MED12L: variants seen among roughly 807,000 people sequenced by gnomAD.
The protein encoded by MED12L is mediator of RNA polymerase II transcription subunit 12-like protein.
MED12L carries 60 observed loss-of-function variants against 281.3 expected under a neutral mutation model. The observed-to-expected ratio is 0.21, with a 90% CI of 0.17 to 0.26. The LOEUF is 0.26. Ranked by LOEUF, MED12L falls within the 10% of genes least tolerant of loss-of-function variation. The pLI, the probability that MED12L is intolerant of heterozygous loss-of-function variation, is 1.00. For synonymous variants in MED12L, 974 were observed against 987.2 expected (o/e 0.99, Z 0.25); for missense variants, 2,146 against 2,680.9 (o/e 0.80, Z 4.41).
chr3:151,355,487 G>A (rs982280657), intron 18 of MED12L, among the ~76,000 whole-genome samples: 6 of 152,110 alleles, frequency 3.9e-5, no homozygotes, highest in African/African-American at 1.4e-4. Flanking sequence ...AATAGCTAAT[G>A]AAATAGTTAG....
chr3:151,134,067 A>G (rs1350311562), intron 5 of MED12L, among the ~76,000 whole-genome samples: 1 of 152,136 alleles, frequency 6.6e-6, no homozygotes, highest in Admixed American at 6.5e-5. Context: ...ATAAGCAGGG[A>G]TACGGTGCTA....
Position 151,328,928 on chromosome 3 carries a change from A to G in MED12L, c.2251-21131A>G, listed in dbSNP as rs746804027. The stretch of plus-strand genomic sequence containing the variant: ...GTAGAGGGCTGGGAATACCAGCTGT[A>G]CTATCCGAGTGTCTCTGGGGCACCG... On this transcript the variant is annotated intron_variant, in intron 16 of 44. Transcript: ENST00000687756. 2.5e-6 allele frequency: 4 copies of G among 1,613,748 alleles called. No homozygotes were observed. In the Admixed American group the frequency reaches 6.7e-5, roughly 27 times the overall value.
At chr3:151,354,880 G>A (rs1265419136) in intron 17 of MED12L, among the ~76,000 whole-genome samples, 2 of 152,164 alleles carry the variant, frequency 1.3e-5, no homozygotes, top group African/African-American at 2.4e-5. Flanking sequence ...AATCTAAGTT[G>A]TTAGGTGTCA....
intron 11 of MED12L, among the ~76,000 whole-genome samples, chr3:151,178,887 C>A (rs1722395023): frequency 6.6e-6 from 1 of 152,124 alleles, no homozygotes; most frequent in Non-Finnish European, 1.5e-5. Context: ...ACTTAATCTG[C>A]AAGTTATTTT....
chr3:151,151,218 T>C (rs1246464360), intron 5 of MED12L, among the ~76,000 whole-genome samples: 3 of 151,602 alleles, frequency 2.0e-5, no homozygotes, highest in African/African-American at 7.3e-5. Flanking sequence ...TTTGTATTTT[T>C]AGTAGAGACG....
chr3:151,310,906 C>T lies in MED12L; in HGVS notation c.2251-39153C>T, dbSNP rs1747407861. On this transcript the variant is annotated intron_variant, in intron 16 of 44. Coordinates refer to ENST00000687756, the MANE Select transcript of MED12L (RefSeq NM_001393769.1). ...AAGGGAGGCAGTATGGGAAATGTAC[C>T]ATCTCTAGATAGGAGCTGGGGTGGG... 2.6e-5 allele frequency among the ~76,000 whole-genome samples: 4 copies of T among 152,036 alleles called. No homozygotes were observed. The South Asian group carries it at 8.3e-4, about 32-fold the overall frequency.
chr3:151,144,261 A>G (rs554558492), intron 5 of MED12L, among the ~76,000 whole-genome samples: 2 of 152,108 alleles, frequency 1.3e-5, no homozygotes, highest in East Asian at 3.9e-4. Flanking sequence ...AAAAAGGACA[A>G]CTGGGGGAAA....
chr3:151,278,846 A>T (rs776736046), intron 16 of MED12L, among the ~76,000 whole-genome samples: 2 of 152,204 alleles, frequency 1.3e-5, no homozygotes, highest in Non-Finnish European at 2.9e-5. Flanking sequence ...TTTGACACCA[A>T]TGTCGACATA....
chr3:151,109,950 T>C lies in MED12L; in HGVS notation c.100-6388T>C, dbSNP rs534062056. ...TGTGTGCCTCACGTTTTTGGGATCT[T>C]AGTTGCCTCACCTTTGCAGATGGGC... On this transcript the variant is annotated intron_variant, in intron 2 of 44. Transcript: ENST00000687756. 5.0e-4 allele frequency among the ~76,000 whole-genome samples: 76 copies of C among 152,286 alleles called. 1 individual carries two copies. Among genetic ancestry groups the C allele is most frequent in the African/African-American group, 1.7e-3 (72 of 41,570 alleles).
intron 16 of MED12L, among the ~76,000 whole-genome samples, chr3:151,250,619 C>T (rs544923641): frequency 6.6e-6 from 1 of 152,164 alleles, no homozygotes; most frequent in Non-Finnish European, 1.5e-5. Flanking sequence ...CTTTTTAAGA[C>T]TGAATAATAT....
At chr3:151,088,231 G>A (rs1424346292) in intron 2 of MED12L, among the ~76,000 whole-genome samples, 4 of 152,202 alleles carry the variant, frequency 2.6e-5, no homozygotes, top group Non-Finnish European at 5.9e-5. Context: ...ATATGCTCTA[G>A]CATCAGTGGA....
chr3:151,364,860 G>T, intron 21 of MED12L, 119 bp from the exon 22 acceptor site: 1 of 707,590 alleles, frequency 1.4e-6, no homozygotes, highest in Non-Finnish European at 2.5e-6. Flanking sequence ...AACTCATAAT[G>T]TGAATCTTCT....
chr3:151,420,191 G>A (rs1042321205), intron 43 of MED12L, among the ~76,000 whole-genome samples: 10 of 152,100 alleles, frequency 6.6e-5, no homozygotes, highest in Admixed American at 3.3e-4. Context: ...AATGGATCTC[G>A]TGTATTCCAT....
chr3:151,220,228 G>A (rs1204221062), intron 16 of MED12L, among the ~76,000 whole-genome samples: 1 of 151,528 alleles, frequency 6.6e-6, no homozygotes, highest in African/African-American at 2.4e-5. Context: ...TACCACCAGT[G>A]TAATGAGACT....
chr3:151,329,381 CTA>C (rs1750087214), intron 16 of MED12L: 1 of 680,254 alleles, frequency 1.5e-6, no homozygotes, highest in Admixed American at 3.0e-5. Context: ...TGCTCATAAA[CTA>C]TGGTTTGTAG....
intron 2 of MED12L, among the ~76,000 whole-genome samples, chr3:151,089,684 C>CGG (rs144047104): frequency 1.0e-4 from 7 of 68,204 alleles, no homozygotes; most frequent in African/African-American, 1.7e-4. Context: ...GGGGGTGGGG[C>CGG]GGGGGGGAGA....
Position 151,367,005 on chromosome 3 carries a change from T to C in MED12L, c.3328-641T>C, listed in dbSNP as rs551459011. Among the ~76,000 whole-genome samples the C allele has an allele frequency of 7.2e-5, 11 of 152,320 alleles. No homozygotes were observed. The South Asian group carries it at 2.1e-3, about 29-fold the overall frequency. The stretch of plus-strand genomic sequence containing the variant: ...CATAGTCCTTGGCATATGGTGCGAA[T>C]CAGTATGAAGATTGCTATTGTAGTT... On this transcript the variant is annotated intron_variant, in intron 23 of 44. Coordinates refer to ENST00000687756, the MANE Select transcript of MED12L (RefSeq NM_001393769.1).
intron 8 of MED12L, among the ~76,000 whole-genome samples, chr3:151,160,891 G>T (rs886554896): frequency 6.6e-6 from 1 of 152,172 alleles, no homozygotes. Context: ...TTAGTTCTTC[G>T]AATGAGTTGA....
chr3:151,430,994 C>A (rs1319583172), intron 44 of MED12L, among the ~76,000 whole-genome samples: 1 of 151,936 alleles, frequency 6.6e-6, no homozygotes, highest in Non-Finnish European at 1.5e-5. Context: ...TACCAATAGC[C>A]CATTTCATCA....
Sources: allele counts gnomAD v4.1 joint callset (sites outside exome capture counted in the v4.1 genomes callset), GRCh38; gene constraint gnomAD v4.1.1; transcripts MANE v1.5; gene names NCBI Gene and HGNC (gene_info 2026-07-23, HGNC 2026-07-21).